Variants in MYO16 observed in about 807,000 individuals in gnomAD.
The protein encoded by MYO16 is myosin XVI.
Under a neutral mutation model 205.3 loss-of-function variants are expected in MYO16, and 94 were observed. The ratio of observed to expected loss-of-function variants is 0.46; its 90% CI spans 0.39 to 0.54. The LOEUF (loss-of-function observed/expected upper bound fraction) is 0.54, where lower values mean the gene tolerates loss of function less well. Among genes scored for constraint, MYO16 ranks in the 20% least tolerant of loss-of-function variants. The pLI is 0.00. For synonymous variants in MYO16, 988 were observed against 954.0 expected (o/e 1.04, Z -0.66); for missense variants, 2,315 against 2,387.5 (o/e 0.97, Z 0.63).
At chr13:109,005,649 G>T (rs906298645) in intron 21 of MYO16, among the ~76,000 whole-genome samples, 40 of 152,002 alleles carry the variant, frequency 2.6e-4, no homozygotes, top group African/African-American at 8.7e-4. Context: ...CCCCTTGCCT[G>T]CCACCCTCTC....
chr13:109,147,376 C>T (rs553832204), intron 32 of MYO16, among the ~76,000 whole-genome samples: 8 of 152,150 alleles, frequency 5.3e-5, no homozygotes, highest in Non-Finnish European at 1.0e-4. Context: ...CTGAATTACT[C>T]ATGGAAACCT....
Position 108,927,926 on chromosome 13 carries a change from G to A in MYO16, c.1925+17776G>A, listed in dbSNP as rs928486442. Among the ~76,000 whole-genome samples the A allele has an allele frequency of 1.6e-4, 24 of 152,358 alleles. No homozygotes were observed. In the East Asian group the frequency reaches 1.9e-3, roughly 12 times the overall value. On this transcript the variant is annotated intron_variant, in intron 16 of 34. Transcript: ENST00000457511. ...TGCGCTCTAGGCTGCACCATCTCGC[G>A]CCACCACACTGATTTCCACCAGTTC...
intron 1 of MYO16, among the ~76,000 whole-genome samples, chr13:108,609,631 G>A (rs1218959208): frequency 6.6e-6 from 1 of 151,844 alleles, no homozygotes; most frequent in Non-Finnish European, 1.5e-5. Context: ...TTGATAGCGT[G>A]GAAATTTCAT....
At chr13:108,715,818 C>T (rs375232277) in intron 3 of MYO16, among the ~76,000 whole-genome samples, 3 of 152,254 alleles carry the variant, frequency 2.0e-5, no homozygotes, top group South Asian at 2.1e-4. Flanking sequence ...TCTCCTGGTC[C>T]GGCTTAATAA....
intron 2 of MYO16, 71 bp downstream of exon 2, chr13:108,666,220 T>A: frequency 2.0e-6 from 3 of 1,472,292 alleles, no homozygotes; most frequent in Middle Eastern, 1.8e-4. Flanking sequence ...GGTTTGTTGT[T>A]TTTTTGATGG....
rs1244406051 is a variant in MYO16, at chr13:109,008,888, C to G, written c.2443-9C>G. 1 of 1,611,612 alleles carries G rather than the reference C, an allele frequency of 6.2e-7. No homozygotes were observed. Among genetic ancestry groups the G allele is most frequent in the Admixed American group, 1.7e-5 (1 of 59,568 alleles). ...CTGGTGAAATGTTTTCTTGTTTTCTCCACAACAGCTTTGTGTCAACATGAC... is the reference window on the plus strand; with the variant it reads ...CTGGTGAAATGTTTTCTTGTTTTCTGCACAACAGCTTTGTGTCAACATGAC... On this transcript the variant is annotated splice_polypyrimidine_tract_variant and intron_variant, in intron 21 of 34. Transcript: ENST00000457511.
intron 1 of MYO16, among the ~76,000 whole-genome samples, chr13:108,609,827 G>A (rs10492425): frequency 0.017 from 2,629 of 152,096 alleles, 85 homozygotes; most frequent in African/African-American, 0.06. Flanking sequence ...ATTCTAAAAC[G>A]ATAGTTATTT....
intron 27 of MYO16, among the ~76,000 whole-genome samples, chr13:109,072,517 C>A (rs146410775): frequency 6.6e-6 from 1 of 151,948 alleles, no homozygotes; most frequent in Admixed American, 6.6e-5. Flanking sequence ...TGGAAATTTT[C>A]CAGGGAATCC....
Position 108,935,830 on chromosome 13 carries a change from T to TA in MYO16, c.1926-21857dup, listed in dbSNP as rs200962906. On this transcript the variant is annotated intron_variant, in intron 16 of 34. Transcript: ENST00000457511. ...CTAGTTTCTTGAGGGTTTTTTTTTTTATCATGAAGGGATGTTGGATTTTAT... is the reference window on the plus strand; with the variant it reads ...CTAGTTTCTTGAGGGTTTTTTTTTTTAATCATGAAGGGATGTTGGATTTTAT... Among the ~76,000 whole-genome samples the TA allele has an allele frequency of 2.0e-5, 3 of 151,918 alleles. No individual in the cohort carries two copies. The South Asian group carries it at 6.2e-4, about 32-fold the overall frequency.
In MYO16 at chr13:109,039,265, C is replaced by T. The variant is rs115194120; in HGVS notation, c.2797-7651C>T. 3.3e-3 allele frequency among the ~76,000 whole-genome samples: 504 copies of T among 152,172 alleles called. 6 individuals are homozygous for T. Among genetic ancestry groups the T allele is most frequent in the African/African-American group, 0.012 (483 of 41,536 alleles). On this transcript the variant is annotated intron_variant, in intron 23 of 34. Transcript: ENST00000457511. ...GAAAGTGATGCTGGAAACTTCAACA[C>T]CCTCCTCTCAACAATTGGTAAAACA...
At chr13:108,925,908 T>C (rs1881977877) in intron 16 of MYO16, among the ~76,000 whole-genome samples, 1 of 152,162 alleles carries the variant, frequency 6.6e-6, no homozygotes, top group African/African-American at 2.4e-5. Flanking sequence ...CCTGCCCCCA[T>C]TAAAGGCTTC....
At chr13:108,877,655 T>C (rs1316783593) in intron 12 of MYO16, among the ~76,000 whole-genome samples, 1 of 152,220 alleles carries the variant, frequency 6.6e-6, no homozygotes, top group African/African-American at 2.4e-5. Flanking sequence ...TTATTTTCCA[T>C]CTTTTTAGTT....
chr13:108,751,023 A>G (rs139045251), intron 4 of MYO16, among the ~76,000 whole-genome samples: 1 of 149,512 alleles, frequency 6.7e-6, no homozygotes, highest in Non-Finnish European at 1.5e-5. Context: ...GCTTATGCAT[A>G]GAAATATGTA....
At chr13:108,567,003 A>G in the MYO16 span, among the ~76,000 whole-genome samples, 2 of 152,294 alleles carry the variant, frequency 1.3e-5, no homozygotes, top group East Asian at 1.9e-4. Context: ...CAGTAGATGG[A>G]GATTTTTAAA....
At chr13:108,994,336 T>C (rs1929292) in intron 21 of MYO16, among the ~76,000 whole-genome samples, 106,061 of 137,100 alleles carry the variant, frequency 0.77, 38,759 homozygotes, top group South Asian at 0.84. Flanking sequence ...CACACACACA[T>C]ATATATATAT....
intron 3 of MYO16, among the ~76,000 whole-genome samples, chr13:108,724,320 C>G (rs1463138043): frequency 6.6e-6 from 1 of 152,060 alleles, no homozygotes; most frequent in East Asian, 1.9e-4. Flanking sequence ...TTTGCCATGG[C>G]TAGTACTGCC....
chr13:108,891,438 G>A (rs1430966496), intron 14 of MYO16, among the ~76,000 whole-genome samples: 1 of 152,060 alleles, frequency 6.6e-6, no homozygotes, highest in Non-Finnish European at 1.5e-5. Flanking sequence ...ATGGAAAATC[G>A]TGTTCAATTC....
At chr13:108,958,070 A>G (rs538526007) in intron 17 of MYO16, among the ~76,000 whole-genome samples, 1 of 151,500 alleles carries the variant, frequency 6.6e-6, no homozygotes, top group African/African-American at 2.4e-5. Context: ...GAGAGGGTGC[A>G]GTTTCCAAGA....
At chr13:109,064,833 G>A (rs1475807349) in intron 27 of MYO16, among the ~76,000 whole-genome samples, 5 of 152,192 alleles carry the variant, frequency 3.3e-5, no homozygotes, top group Non-Finnish European at 7.3e-5. Flanking sequence ...TCATAGGGAT[G>A]TACTGCAAAA....
Sources: allele counts gnomAD v4.1 joint callset (sites outside exome capture counted in the v4.1 genomes callset), GRCh38; gene constraint gnomAD v4.1.1; transcripts MANE v1.5; gene names NCBI Gene and HGNC (gene_info 2026-07-23, HGNC 2026-07-21).